Variants in RBM6 observed in about 807,000 individuals in gnomAD.
The protein encoded by RBM6 is RNA-binding protein 6.
RBM6 carries 23 observed loss-of-function variants against 140.4 expected under a neutral mutation model. That is an observed-to-expected ratio of 0.16 (90% CI 0.12 to 0.23). The LOEUF (loss-of-function observed/expected upper bound fraction) is 0.23. RBM6 is among the 10% of genes least tolerant of loss of function. The pLI, the probability that RBM6 is intolerant of heterozygous loss-of-function variation, is 1.00. For synonymous variants in RBM6, 439 were observed against 475.6 expected (o/e 0.92, Z 1.00); for missense variants, 1,139 against 1,386.7 (o/e 0.82, Z 2.84).
At chr3:50,055,508 G>A (rs1287395863) in intron 8 of RBM6, among the ~76,000 whole-genome samples, 1 of 152,224 alleles carries the variant, frequency 6.6e-6, no homozygotes, top group African/African-American at 2.4e-5. Context: ...AAAGAGATAG[G>A]GTTGTGGGCT....
intron 1 of RBM6, chr3:49,940,809 A>C (rs1209083914): frequency 1.3e-5 from 2 of 150,438 alleles, no homozygotes; most frequent in Non-Finnish European, 3.0e-5. Context: ...CACGCTTTAG[A>C]TTCCATTAGC....
chr3:49,955,860 C>CTCTGTG (rs1553637396), intron 1 of RBM6, among the ~76,000 whole-genome samples: 43 of 145,584 alleles, frequency 3.0e-4, no homozygotes, highest in South Asian at 4.4e-4. Context: ...CTCTCTCTCT[C>CTCTGTG]TGTGTGTGTG....
chr3:49,972,097 C>T lies in RBM6; in HGVS notation c.1362C>T (p.Pro454=), dbSNP rs369629704. ...GGACCGGCCCAAGTGAGGAGAAACCCAGCAGGCTTATTCGATTAAGTGGGG... is the reference window on the plus strand; with the variant it reads ...GGACCGGCCCAAGTGAGGAGAAACCTAGCAGGCTTATTCGATTAAGTGGGG... ...DYRTGPSEEK[P]SRLIRLSGVP... is the part of the protein sequence containing the mutation. Residue 454 remains proline (P), a synonymous_variant, in exon 4 of 21, where the codon CCC becomes CCT. Coordinates refer to ENST00000266022, the MANE Select transcript of RBM6 (RefSeq NM_005777.3). 9.3e-6 allele frequency: 15 copies of T among 1,613,288 alleles called. No individual in the cohort carries two copies. The African/African-American group carries it at 1.9e-4, about 20-fold the overall frequency.
chr3:49,993,341 C>G (rs954496165), intron 5 of RBM6, among the ~76,000 whole-genome samples: 6 of 152,026 alleles, frequency 3.9e-5, no homozygotes, highest in African/African-American at 1.4e-4. Context: ...TAAGATAGAT[C>G]CACGTGTAGT....
rs375768438 is a variant in RBM6, at chr3:49,942,033, A to G, written c.-67+1808A>G. ...GAAAAATCGCTTGAGCCGGGGAGGT[A>G]GAGGTTGTAGTAAGGGGAGATAGTG... On this transcript the variant is annotated intron_variant, in intron 1 of 20. Transcript: ENST00000266022. 1.2e-4 allele frequency among the ~76,000 whole-genome samples: 18 copies of G among 151,226 alleles called. No homozygotes were observed. In the East Asian group the frequency reaches 2.4e-3, roughly 20 times the overall value.
chr3:50,064,497 A>G (rs1178679975), intron 15 of RBM6, among the ~76,000 whole-genome samples: 1 of 152,048 alleles, frequency 6.6e-6, no homozygotes, highest in East Asian at 1.9e-4. Context: ...TGCAATATAT[A>G]CTAACGTTTT....
chr3:50,001,388 A>G (rs2086319793), intron 6 of RBM6, among the ~76,000 whole-genome samples: 1 of 152,094 alleles, frequency 6.6e-6, no homozygotes, highest in Non-Finnish European at 1.5e-5. Context: ...CTGGATTGAG[A>G]CTGCAGTGAG....
At chr3:50,021,892 T>C (rs1354733057) in intron 6 of RBM6, among the ~76,000 whole-genome samples, 1 of 151,322 alleles carries the variant, frequency 6.6e-6, no homozygotes, top group Non-Finnish European at 1.5e-5. Context: ...ATTTCCTCTT[T>C]AGCTTGTGTG....
chr3:50,019,273 G>A lies in RBM6; in HGVS notation c.1557+19760G>A, dbSNP rs1010439349. On this transcript the variant is annotated intron_variant, in intron 6 of 20. Transcript: ENST00000266022. ...CTCCTGACCTTAGGTGATCTGCCCC[G>A]CCTTGGCCTCCTGAATTGCTGGGAT... 5.3e-5 allele frequency among the ~76,000 whole-genome samples: 8 copies of A among 152,096 alleles called. No individual in the cohort carries two copies. In the East Asian group the frequency reaches 7.7e-4, roughly 15 times the overall value.
chr3:50,065,060 C>T lies in RBM6; in HGVS notation c.2616C>T (p.Ala872=). The change falls in exon 16 of 21, where the codon GCC becomes GCT. Residue 872 remains alanine, a synonymous_variant. Transcript: ENST00000266022. ...AGGAAAATGCCAGTGAAGGGAAGGC[C>T]CCTGCAGAAGACGTCTTTAAGAAGC... The part of the protein sequence containing the change: ...RFQENASEGK[A]PAEDVFKKPL... 6.2e-7 allele frequency: 1 copy of T among 1,613,746 alleles called. No individual in the cohort carries two copies. The highest frequency in any genetic ancestry group is 8.5e-7 in the Non-Finnish European group (1 of 1,179,778).
At chr3:49,992,456 T>C (rs2085872942) in intron 5 of RBM6, among the ~76,000 whole-genome samples, 1 of 152,230 alleles carries the variant, frequency 6.6e-6, no homozygotes, top group Non-Finnish European at 1.5e-5. Flanking sequence ...TACTGGGACA[T>C]ATTTGAGAAG....
At chr3:49,957,042 A>T (rs960724238) in intron 1 of RBM6, among the ~76,000 whole-genome samples, 6 of 152,228 alleles carry the variant, frequency 3.9e-5, no homozygotes, top group Admixed American at 2.0e-4. Context: ...GAGAACAGTG[A>T]TGAGATCATA....
chr3:50,067,303 A>T (rs2090155569), intron 17 of RBM6, among the ~76,000 whole-genome samples: 1 of 151,416 alleles, frequency 6.6e-6, no homozygotes, highest in Admixed American at 6.6e-5. Flanking sequence ...ATTGCTCTGG[A>T]TTAAGGTTAT....
At chr3:50,033,296 C>T (rs528805515) in intron 6 of RBM6, among the ~76,000 whole-genome samples, 83 of 150,680 alleles carry the variant, frequency 5.5e-4, no homozygotes, top group African/African-American at 1.9e-3. Flanking sequence ...GACTCTGTCT[C>T]GAAAAGAAAA....
chr3:50,059,453 T>C, intron 10 of RBM6, 196 bp from the exon 11 acceptor site: 1 of 466,552 alleles, frequency 2.1e-6, no homozygotes, highest in Non-Finnish European at 3.8e-6. Context: ...TGATTCCTGT[T>C]CCAATCAGTC....
At chr3:50,024,420 G>A (rs78051028) in intron 6 of RBM6, among the ~76,000 whole-genome samples, 1 of 151,530 alleles carries the variant, frequency 6.6e-6, no homozygotes, top group Non-Finnish European at 1.5e-5. Context: ...GCCCCTCCTG[G>A]TCATTGTCCT....
At chr3:50,013,128 T>G (rs1412118647) in intron 6 of RBM6, among the ~76,000 whole-genome samples, 6 of 152,204 alleles carry the variant, frequency 3.9e-5, no homozygotes, top group Non-Finnish European at 5.9e-5. Context: ...TCATTTGACT[T>G]GACCTCCCAC....
intron 1 of RBM6, among the ~76,000 whole-genome samples, chr3:49,947,207 G>A (rs1301785108): frequency 7.3e-6 from 1 of 137,102 alleles, no homozygotes; most frequent in Admixed American, 8.0e-5. Flanking sequence ...AGCAGAGATT[G>A]AGCCACTGCA....
At position 49,988,701 on chromosome 3, in the gene RBM6, G is replaced by A. The variant is rs75342562; in HGVS notation, c.1484-10739G>A. Among the ~76,000 whole-genome samples the A allele has an allele frequency of 6.1e-3, 928 of 152,264 alleles. 10 individuals carry two copies. Among genetic ancestry groups the A allele is most frequent in the African/African-American group, 0.021 (876 of 41,562 alleles). ...TAGAAAAATCTGGCTGTGCATGGTG[G>A]CTAATGCCTGTAAATCCCTATATGC... On this transcript the variant is annotated intron_variant, in intron 5 of 20. Coordinates refer to ENST00000266022, the MANE Select transcript of RBM6 (RefSeq NM_005777.3).
Sources: allele counts gnomAD v4.1 joint callset (sites outside exome capture counted in the v4.1 genomes callset), GRCh38; gene constraint gnomAD v4.1.1; transcripts MANE v1.5; gene names NCBI Gene and HGNC (gene_info 2026-07-23, HGNC 2026-07-21).